GDF6: variants seen among roughly 807,000 people sequenced by gnomAD.
GDF6 encodes the protein growth differentiation factor 6, also known as growth/differentiation factor 6.
Under a neutral mutation model 32.4 loss-of-function variants are expected in GDF6, and 3 were observed. That is an observed-to-expected ratio of 0.09 (90% CI 0.04 to 0.24). The LOEUF (loss-of-function observed/expected upper bound fraction) is 0.24. Among genes scored for constraint, GDF6 ranks in the 10% least tolerant of loss-of-function variants. The pLI is 1.00. For synonymous variants in GDF6, 296 were observed against 295.3 expected, an observed-to-expected ratio of 1.00 and a Z score of -0.03; for missense variants, 589 against 637.9, an observed-to-expected ratio of 0.92 and a Z score of 0.83.
intron 1 of GDF6, among the ~76,000 whole-genome samples, chr8:96,147,348 G>A (rs1322396376): frequency 3.3e-5 from 5 of 152,270 alleles, no homozygotes; most frequent in South Asian, 2.1e-4. Flanking sequence ...AAAATCAGGC[G>A]GAATTCAGCA....
rs757029731 is a variant in GDF6, at chr8:96,145,439, C to G, written c.492G>C (p.Ala164=). The change falls in exon 2 of 2, where the codon GCG becomes GCC. Residue 164 remains alanine (A), a synonymous_variant. Transcript: ENST00000287020. The surrounding 1 kb of genome is among the most constrained non-coding windows in gnomAD (Gnocchi z 5.6). Reference sequence around the variant, plus strand: ...GCGCCTGGCGAAAGAGCCGCAGCTCCGCGCCCACCAGCTCTTCTTTGTCTG... The same window carrying G: ...GCGCCTGGCGAAAGAGCCGCAGCTCGGCGCCCACCAGCTCTTCTTTGTCTG... The part of the protein sequence containing the change: ...MLSDKEELVG[A]ELRLFRQAPS... The G allele has an allele frequency of 1.9e-6, 3 of 1,595,856 alleles. No homozygotes were observed. Among genetic ancestry groups the G allele is most frequent in the Non-Finnish European group, 2.5e-6 (3 of 1,178,804 alleles).
At chr8:96,150,759 A>G (rs985587951) in intron 1 of GDF6, among the ~76,000 whole-genome samples, 1 of 152,248 alleles carries the variant, frequency 6.6e-6, no homozygotes, top group Non-Finnish European at 1.5e-5. Context: ...CTGCTCTACC[A>G]GGGTCCTGTT....
chr8:96,160,276 T>C lies in GDF6; in HGVS notation c.406+11A>G, dbSNP rs754717660. On this transcript the variant is annotated intron_variant, in intron 1 of 1. Transcript: ENST00000287020. ...GCGGGAGGGGAGTCGAGCGTTTTCT[T>C]TGCCACTTACCTAGTCCCCTGTCTA... 2.2e-5 allele frequency: 35 copies of C among 1,614,076 alleles called. 1 individual carries two copies. The South Asian group carries it at 3.7e-4, about 17-fold the overall frequency.
At chr8:96,146,291 T>C (rs909819496) in intron 1 of GDF6, among the ~76,000 whole-genome samples, 2 of 151,612 alleles carry the variant, frequency 1.3e-5, no homozygotes, top group Non-Finnish European at 2.9e-5. Flanking sequence ...GCCTATTGAA[T>C]CACTGTCTAA....
rs1812740475 is a variant in GDF6 at position 96,160,441 on chromosome 8, C to T, written c.252G>A (p.Glu84=). ...CCACGCGCGGACCCCTGCCTGGCGG[C>T]TCCTGCGCCCGGGGCTGCTGAGCCC... ...EPRAQQPRAQ[E]PPGRGPRVVP... The change falls in exon 1 of 2, where the codon GAG becomes GAA. Residue 84 remains glutamate, a synonymous_variant. Coordinates refer to ENST00000287020, the MANE Select transcript of GDF6 (RefSeq NM_001001557.4). The T allele has an allele frequency of 3.7e-6, 6 of 1,613,838 alleles. No homozygotes were observed. Among genetic ancestry groups the T allele is most frequent in the Admixed American group, 1.7e-5 (1 of 60,032 alleles).
chr8:96,144,851 G>C lies in GDF6; in HGVS notation c.1080C>G (p.His360Gln). 6.2e-7 allele frequency: 1 copy of C among 1,614,030 alleles called. No individual in the cohort carries two copies. Reference sequence around the variant, plus strand: ...CCCAGCCCAGCTCCTTGAAGTTCACGTGCAGGGGCTTCTTGCTGCAGCGTA... The same window carrying C: ...CCCAGCCCAGCTCCTTGAAGTTCACCTGCAGGGGCTTCTTGCTGCAGCGTA... ...SRLRCSKKPL[H>Q]VNFKELGWDD... The change falls in exon 2 of 2, where the codon CAC becomes CAG. Residue 360 changes from histidine (H) to glutamine (Q), a missense_variant. His to Gln is a conservative substitution (Grantham distance 24, BLOSUM62 0). Around this residue, in one of 2 missense-constraint regions of GDF6, gnomAD observed 153 missense variants for 226.7 expected, o/e 0.67. Coordinates refer to ENST00000287020, the MANE Select transcript of GDF6 (RefSeq NM_001001557.4). This position sits in a 1 kb window ranked among gnomAD's most constrained non-coding sequence, Gnocchi z 5.1.
rs1364239491 is a variant in GDF6 at position 96,145,112 on chromosome 8, C to A, written c.819G>T (p.Gln273His). ...LGFGRRVRPP[Q>H]ERALLVVFTR... ...TGAATACCACCAGCAGGGCCCGCTC[C>A]TGGGGAGGCCGCACCCTCCGGCCGA... The change falls in exon 2 of 2, where the codon CAG (glutamine) becomes CAT (histidine). Residue 273 changes from glutamine to histidine, a missense_variant. Gln to His is a conservative substitution (Grantham distance 24). Transcript: ENST00000287020. The surrounding 1 kb of genome is among the most constrained non-coding windows in gnomAD (Gnocchi z 5.6). The A allele has an allele frequency of 6.6e-7, 1 of 1,525,012 alleles. No homozygotes were observed. The highest frequency in any genetic ancestry group is 2.0e-5 in the Admixed American group (1 of 51,204). The allele number at this position is 1,525,012 out of a possible 1,614,324, so 94.5% of individuals were successfully genotyped here. A position where few individuals can be genotyped will look rare whatever the true frequency, so the allele number is the denominator to read the frequency against.
intron 1 of GDF6, among the ~76,000 whole-genome samples, chr8:96,156,383 TCTCTCTCTCTCTCTCTCTCTCTTTCC>T (rs1812663049): frequency 2.6e-5 from 1 of 38,844 alleles, no homozygotes; most frequent in African/African-American, 8.5e-5. Flanking sequence ...TTTCCCTCTC[TCTCTCTCTCTCTCTCTCTCTCTTTCC>T]CTCTCTCTCT....
chr8:96,160,644 G>A lies in GDF6; in HGVS notation c.49C>T (p.Leu17=), dbSNP rs1362345952. ...TGCTGGAAACCGGGCAAATCCCACAGAAAACTGATGAGGAAGACGGCCGAG... is the reference window on the plus strand; with the variant it reads ...TGCTGGAAACCGGGCAAATCCCACAAAAAACTGATGAGGAAGACGGCCGAG... ...LLSAVFLISF[L]WDLPGFQQAS... The change falls in exon 1 of 2, where the codon CTG becomes TTG. Residue 17 remains leucine (L), a synonymous_variant. Transcript: ENST00000287020. 4 of 1,613,612 alleles carry A rather than the reference G, an allele frequency of 2.5e-6. No homozygotes were observed. Among genetic ancestry groups the A allele is most frequent in the African/African-American group, 2.7e-5 (2 of 74,936 alleles).
In GDF6 at chr8:96,145,115, G is replaced by A; in HGVS notation, c.816C>T (p.Pro272=). 6.6e-7 allele frequency: 1 copy of A among 1,524,612 alleles called. No homozygotes were observed. The highest frequency in any genetic ancestry group is 8.7e-7 in the Non-Finnish European group (1 of 1,145,488). The allele number at this position is 1,524,612 out of a possible 1,614,324, so 94.4% of individuals were successfully genotyped here. A position where few individuals can be genotyped will look rare whatever the true frequency, so the allele number is the denominator to read the frequency against. The part of the protein sequence containing the change: ...SLGFGRRVRP[P]QERALLVVFT... ...ATACCACCAGCAGGGCCCGCTCCTGGGGAGGCCGCACCCTCCGGCCGAAGC... is the reference window on the plus strand; with the variant it reads ...ATACCACCAGCAGGGCCCGCTCCTGAGGAGGCCGCACCCTCCGGCCGAAGC... Residue 272 remains proline, a synonymous_variant, in exon 2 of 2, where the codon CCC becomes CCT. Transcript: ENST00000287020. The surrounding 1 kb of genome is among the most constrained non-coding windows in gnomAD (Gnocchi z 5.6).
intron 1 of GDF6, among the ~76,000 whole-genome samples, chr8:96,159,006 G>A (rs772903124): frequency 6.6e-6 from 1 of 152,068 alleles, no homozygotes; most frequent in Non-Finnish European, 1.5e-5. Flanking sequence ...CGGGGGGGCC[G>A]TTAGCCTGCT....
chr8:96,154,982 G>A (rs956712648), intron 1 of GDF6, among the ~76,000 whole-genome samples: 2 of 152,316 alleles, frequency 1.3e-5, no homozygotes, highest in East Asian at 1.9e-4. Context: ...CTCTCCGGTC[G>A]GAAAGAGGAG....
intron 1 of GDF6, among the ~76,000 whole-genome samples, chr8:96,151,433 A>G (rs1366066861): frequency 6.6e-6 from 1 of 152,222 alleles, no homozygotes; most frequent in Non-Finnish European, 1.5e-5. Flanking sequence ...GGCTCAAGAT[A>G]CTAAGTAGTA....
rs1356114817 is a variant in GDF6, at chr8:96,145,096, C to T, written c.835G>A (p.Val279Met). 2.0e-6 allele frequency: 3 copies of T among 1,521,114 alleles called. No homozygotes were observed. The highest frequency in any genetic ancestry group is 1.9e-4 in the Middle Eastern group (1 of 5,226). The allele number at this position is 1,521,114 out of a possible 1,614,324, so 94.2% of individuals were successfully genotyped here. The change falls in exon 2 of 2, where the codon GTG becomes ATG. Residue 279 changes from valine (V) to methionine (M), a missense_variant. This residue lies in a region of GDF6 where 436 missense variants were observed against 411.2 expected (regional missense o/e 1.06). Transcript: ENST00000287020. The surrounding 1 kb of genome is among the most constrained non-coding windows in gnomAD (Gnocchi z 5.6). ...TTGCGCTGGGATCTGGTGAATACCA[C>T]CAGCAGGGCCCGCTCCTGGGGAGGC... Reference protein sequence around the residue: ...VRPPQERALLVVFTRSQRKNL... With the variant: ...VRPPQERALLMVFTRSQRKNL...
chr8:96,159,089 G>A (rs2130235300), intron 1 of GDF6, among the ~76,000 whole-genome samples: 1 of 152,316 alleles, frequency 6.6e-6, no homozygotes. Flanking sequence ...CCGAACCCCA[G>A]CGCTGCAAGG....
At position 96,144,252 on chromosome 8, in the gene GDF6, G is replaced by GAGAGAGAGAGAGAGAC. The variant is rs1327108704; in HGVS notation, c.*310_*311insGTCTCTCTCTCTCTCT. The GAGAGAGAGAGAGAGAC allele has an allele frequency of 1.4e-4, 41 of 290,712 alleles. No homozygotes were observed. Among genetic ancestry groups the GAGAGAGAGAGAGAGAC allele is most frequent in the African/African-American group, 9.5e-4 (36 of 37,978 alleles). 18.0% of individuals were successfully genotyped at this position (290,712 alleles called of 1,614,324 possible). A position where few individuals can be genotyped will look rare whatever the true frequency, so the allele number is the denominator to read the frequency against. ...ATCCAAAGCCACAGTAATAGAGAGA[G>GAGAGAGAGAGAGAGAC]AGAGAGAGAGAGAGAGAGAGAGAGA... On this transcript the variant is annotated 3_prime_UTR_variant, in exon 2 of 2. Coordinates refer to ENST00000287020, the MANE Select transcript of GDF6 (RefSeq NM_001001557.4). This position sits in a 1 kb window ranked among gnomAD's most constrained non-coding sequence, Gnocchi z 5.1.
At position 96,143,979 on chromosome 8, in the gene GDF6, T is replaced by G. The variant is rs1812413496; in HGVS notation, c.*584A>C. ...CCATTCCTGACTTAACTATTCTTTT[T>G]GCCAATTTCCCTATCTAACACTTTC... On this transcript the variant is annotated 3_prime_UTR_variant, in exon 2 of 2. Coordinates refer to ENST00000287020, the MANE Select transcript of GDF6 (RefSeq NM_001001557.4). 6.2e-6 allele frequency: 1 copy of G among 160,642 alleles called. No individual in the cohort carries two copies. Among genetic ancestry groups the G allele is most frequent in the African/African-American group, 2.4e-5 (1 of 41,476 alleles). The allele number at this position is 160,642 out of a possible 1,614,324, so 10.0% of individuals were successfully genotyped here. A position where few individuals can be genotyped will look rare whatever the true frequency, so the allele number is the denominator to read the frequency against.
chr8:96,149,652 T>C (rs1022875569), intron 1 of GDF6, among the ~76,000 whole-genome samples: 4 of 151,854 alleles, frequency 2.6e-5, no homozygotes, highest in Admixed American at 2.0e-4. Flanking sequence ...AGGTAAAAAA[T>C]AAAATTTTAA....
At position 96,144,885 on chromosome 8, in the gene GDF6, T is replaced by A; in HGVS notation, c.1046A>T (p.Lys349Met). ...CTTCTTGCTGCAGCGTAGCCTGGACTTCTTGCCGTGCCGCTTGCCATGGCG... is the reference window on the plus strand; with the variant it reads ...CTTCTTGCTGCAGCGTAGCCTGGACATCTTGCCGTGCCGCTTGCCATGGCG... ...ASRHGKRHGKKSRLRCSKKPL... is the reference protein window; with the variant it reads ...ASRHGKRHGKMSRLRCSKKPL... The change falls in exon 2 of 2, where the codon AAG becomes ATG. Residue 349 changes from lysine to methionine, a missense_variant. Around this residue, in one of 2 missense-constraint regions of GDF6, gnomAD observed 153 missense variants for 226.7 expected, o/e 0.67. Coordinates refer to ENST00000287020, the MANE Select transcript of GDF6 (RefSeq NM_001001557.4). The surrounding 1 kb of genome is among the most constrained non-coding windows in gnomAD (Gnocchi z 5.1). 1 of 1,613,626 alleles carries A rather than the reference T, an allele frequency of 6.2e-7. No individual in the cohort carries two copies. Among genetic ancestry groups the A allele is most frequent in the Non-Finnish European group, 8.5e-7 (1 of 1,179,840 alleles).
Sources: allele counts gnomAD v4.1 joint callset (sites outside exome capture counted in the v4.1 genomes callset), GRCh38; gene constraint gnomAD v4.1.1; regional missense constraint gnomAD v4.1.1; non-coding constraint Gnocchi (gnomAD v3.1); transcripts MANE v1.5; gene names NCBI Gene and HGNC (gene_info 2026-07-23, HGNC 2026-07-21).